Variants in SDK1 observed in about 807,000 individuals in gnomAD.
SDK1 encodes sidekick cell adhesion molecule 1, also known as protein sidekick-1.
In SDK1, 157 loss-of-function variants were observed where a neutral mutation model predicts 245.5. The observed-to-expected ratio is 0.64, with a 90% CI of 0.56 to 0.73. The LOEUF (loss-of-function observed/expected upper bound fraction) is 0.73, where lower values mean the gene tolerates loss of function less well. Among genes scored for constraint, SDK1 ranks in the 30% least tolerant of loss-of-function variants. The pLI is 0.00. For missense variants in SDK1, 3,583 were observed against 3,002.3 expected (o/e 1.19, Z -4.52); for synonymous variants, 1,647 against 1,278.5 (o/e 1.29, Z -6.15).
Position 3,741,582 on chromosome 7 carries a change from C to T in SDK1, c.714-79868C>T, listed in dbSNP as rs115794840. ...TTTGCCCTAATTAACTTTAATACTACAGATTTGTGCTTTTTGAACTCAGCA... is the reference window on the plus strand; with the variant it reads ...TTTGCCCTAATTAACTTTAATACTATAGATTTGTGCTTTTTGAACTCAGCA... On this transcript the variant is annotated intron_variant, in intron 4 of 44. Transcript: ENST00000404826. Among the ~76,000 whole-genome samples, 1,089 of 152,260 alleles carry T rather than the reference C, an allele frequency of 7.2e-3. 15 individuals carry two copies. The highest frequency in any genetic ancestry group is 0.025 in the African/African-American group (1,024 of 41,544).
intron 1 of SDK1, among the ~76,000 whole-genome samples, chr7:3,410,300 A>G (rs1394751659): frequency 6.6e-6 from 1 of 150,450 alleles, no homozygotes; most frequent in Admixed American, 6.6e-5. Flanking sequence ...TTAAAAATAT[A>G]TAAAGTTAGC....
intron 25 of SDK1, among the ~76,000 whole-genome samples, chr7:4,123,252 G>A (rs1332907867): frequency 6.6e-6 from 1 of 152,146 alleles, no homozygotes; most frequent in Non-Finnish European, 1.5e-5. Context: ...TTAGAACCTG[G>A]TACCAACGTC....
intron 17 of SDK1, among the ~76,000 whole-genome samples, chr7:4,043,294 C>A (rs1788775648): frequency 7.0e-6 from 1 of 142,580 alleles, no homozygotes; most frequent in African/African-American, 2.8e-5. Context: ...AGTGTCACAG[C>A]CAGGGGCCCA....
chr7:4,132,019 A>G (rs545224157), intron 27 of SDK1, among the ~76,000 whole-genome samples: 9 of 152,074 alleles, frequency 5.9e-5, no homozygotes, highest in Non-Finnish European at 1.2e-4. Flanking sequence ...TGACTGGTCT[A>G]CTTGTGTCCT....
intron 1 of SDK1, among the ~76,000 whole-genome samples, chr7:3,537,050 T>C (rs1303163032): frequency 2.0e-5 from 3 of 152,314 alleles, no homozygotes; most frequent in Non-Finnish European, 2.9e-5. Flanking sequence ...CCTCTGAGTC[T>C]TTTACCCACT....
intron 1 of SDK1, among the ~76,000 whole-genome samples, chr7:3,347,027 C>T (rs1196968742): frequency 6.6e-6 from 1 of 151,062 alleles, no homozygotes; most frequent in Admixed American, 6.6e-5. Flanking sequence ...GAGAGTTTCA[C>T]TTCATACACC....
At chr7:4,116,098 G>C (rs116469874) in intron 25 of SDK1, among the ~76,000 whole-genome samples, 3,040 of 152,184 alleles carry the variant, frequency 0.02, 96 homozygotes, top group African/African-American at 0.07. Context: ...TCCCGGGCCT[G>C]GCCTGTCTGC....
At position 4,188,679 on chromosome 7, in the gene SDK1, CA is replaced by C. The variant is rs61628512; in HGVS notation, c.5098+10104del. ...TATGTTTTCCATTAAACTCTTTCAT[CA>C]AAAAAAAAAAGAAAGAAAGAAAAAA... On this transcript the variant is annotated intron_variant, in intron 35 of 44. Coordinates refer to ENST00000404826, the MANE Select transcript of SDK1 (RefSeq NM_152744.4). Among the ~76,000 whole-genome samples, 292 of 136,080 alleles carry C rather than the reference CA, an allele frequency of 2.1e-3. 2 individuals are homozygous for C. Among genetic ancestry groups the C allele is most frequent in the Middle Eastern group, 7.3e-3 (2 of 274 alleles). 89.3% of individuals were successfully genotyped at this position (136,080 alleles called of 152,430 possible).
chr7:4,076,870 C>G (rs1247618846), intron 20 of SDK1, 128 bp from the exon 21 acceptor site: 4 of 751,434 alleles, frequency 5.3e-6, no homozygotes, highest in Admixed American at 2.5e-5. Context: ...CACAGTGGCT[C>G]TAAGCTGCCT....
intron 4 of SDK1, among the ~76,000 whole-genome samples, chr7:3,768,195 CA>C (rs1780308365): frequency 6.6e-6 from 1 of 152,148 alleles, no homozygotes; most frequent in Non-Finnish European, 1.5e-5. Flanking sequence ...CTCTTTAAAG[CA>C]GCGTTGAATA....
chr7:3,549,996 T>C (rs1289779094), intron 1 of SDK1, among the ~76,000 whole-genome samples: 1 of 152,158 alleles, frequency 6.6e-6, no homozygotes, highest in East Asian at 1.9e-4. Flanking sequence ...ATATTTTAAG[T>C]CTGTAATATG....
At chr7:4,030,187 T>C (rs12386617) in intron 17 of SDK1, among the ~76,000 whole-genome samples, 44,538 of 152,154 alleles carry the variant, frequency 0.29, 9,657 homozygotes, top group African/African-American at 0.61. Context: ...GGGCAGTGCT[T>C]CATCTGTCTC....
At chr7:3,307,174 T>G (rs1779436886) in intron 1 of SDK1, among the ~76,000 whole-genome samples, 1 of 152,180 alleles carries the variant, frequency 6.6e-6, no homozygotes, top group Non-Finnish European at 1.5e-5. Context: ...TTTCTAAAAT[T>G]TTATTTGACT....
chr7:3,896,176 A>G (rs1781600612), intron 5 of SDK1, among the ~76,000 whole-genome samples: 3 of 152,226 alleles, frequency 2.0e-5, no homozygotes, highest in South Asian at 2.1e-4. Context: ...CGAAATGTTT[A>G]TATATTTACT....
At chr7:3,809,625 G>C (rs905005609) in intron 4 of SDK1, among the ~76,000 whole-genome samples, 1 of 152,198 alleles carries the variant, frequency 6.6e-6, no homozygotes, top group Admixed American at 6.5e-5. Context: ...TCAAAAAGCA[G>C]TTCACTCTGC....
chr7:3,931,989 C>A (rs1406228296), intron 5 of SDK1, among the ~76,000 whole-genome samples: 1 of 152,184 alleles, frequency 6.6e-6, no homozygotes, highest in African/African-American at 2.4e-5. Flanking sequence ...GGTGCCTGAA[C>A]CACTCTTACT....
At chr7:4,106,303 CTTTCT>C (rs1388736092) in intron 22 of SDK1, among the ~76,000 whole-genome samples, 13 of 146,298 alleles carry the variant, frequency 8.9e-5, no homozygotes, top group African/African-American at 3.5e-4. Context: ...TCTTTTTTTT[CTTTCT>C]TTTTTTTTTT....
intron 4 of SDK1, among the ~76,000 whole-genome samples, chr7:3,734,452 T>C (rs1416028960): frequency 6.6e-6 from 1 of 152,212 alleles, no homozygotes; most frequent in South Asian, 2.1e-4. Context: ...AATCCACTTA[T>C]AGATGGTGTT....
chr7:4,076,369 CA>C (rs1488895156), intron 20 of SDK1, among the ~76,000 whole-genome samples: 1 of 152,146 alleles, frequency 6.6e-6, no homozygotes, highest in Non-Finnish European at 1.5e-5. Context: ...GCCTGGGCAA[CA>C]GGGGGAAACC....
Sources: gnomAD v4.1 joint callset for allele counts (sites outside exome capture counted in the v4.1 genomes callset) on GRCh38, gnomAD v4.1.1 for gene constraint, MANE v1.5 for transcripts, NCBI Gene and HGNC (gene_info 2026-07-23, HGNC 2026-07-21) for gene names.